HTR4: variants seen among roughly 807,000 people sequenced by gnomAD.
HTR4 encodes the protein 5-hydroxytryptamine receptor 4.
In HTR4, 16 loss-of-function variants were observed where a neutral mutation model predicts 36.8. That is an observed-to-expected ratio of 0.43 (90% CI 0.29 to 0.66). The LOEUF is 0.66. Ranked by LOEUF, HTR4 falls within the 30% of genes least tolerant of loss-of-function variation. HTR4 has a pLI of 0.13. For synonymous variants in HTR4, 189 were observed against 185.1 expected (o/e 1.02, Z -0.17); for missense variants, 438 against 490.9 (o/e 0.89, Z 1.02).
chr5:148,650,758 G>T (rs1002292881), intron 1 of HTR4, among the ~76,000 whole-genome samples: 3 of 152,186 alleles, frequency 2.0e-5, no homozygotes, highest in African/African-American at 4.8e-5. Flanking sequence ...ATATGCCTTT[G>T]AGCTATTTCT....
chr5:148,524,837 A>G (rs1451958853), intron 4 of HTR4, among the ~76,000 whole-genome samples: 1 of 152,286 alleles, frequency 6.6e-6, no homozygotes, highest in East Asian at 1.9e-4. Context: ...CTAACAAAAC[A>G]ATGGCTATAT....
At chr5:148,496,590 G>A (rs1208094319) in intron 6 of HTR4, among the ~76,000 whole-genome samples, 4 of 152,274 alleles carry the variant, frequency 2.6e-5, no homozygotes, top group Middle Eastern at 3.4e-3. Context: ...AAGGCAGAAC[G>A]AGGGTTAGTG....
chr5:148,541,839 C>A (rs1476386838), intron 4 of HTR4, among the ~76,000 whole-genome samples: 1 of 152,134 alleles, frequency 6.6e-6, no homozygotes, highest in African/African-American at 2.4e-5. Context: ...ACTCCCCAGG[C>A]CTCACCAACT....
chr5:148,534,404 A>T (rs958389390), intron 4 of HTR4, among the ~76,000 whole-genome samples: 11 of 152,188 alleles, frequency 7.2e-5, no homozygotes, highest in Non-Finnish European at 1.3e-4. Flanking sequence ...AAGTAGCCAG[A>T]CTTAAGTGGG....
intron 6 of HTR4, among the ~76,000 whole-genome samples, chr5:148,500,627 T>A (rs1756893813): frequency 6.6e-6 from 1 of 151,506 alleles, no homozygotes; most frequent in South Asian, 2.1e-4. Flanking sequence ...CAGATGAATA[T>A]ACAGAATATA....
rs1157971854 is a variant in HTR4 at position 148,654,128 on chromosome 5, C to T, written c.-114G>A. ...GAGCGGCCACCCCCAGCCGCTGAGC[C>T]GAGCTTCTGCTGCCGCCGCTGCCGC... is the stretch of plus-strand genomic sequence containing the variant. On this transcript the variant is annotated 5_prime_UTR_variant, in exon 1 of 7. Transcript: ENST00000377888. 66 of 985,554 alleles carry T rather than the reference C, an allele frequency of 6.7e-5. No individual in the cohort carries two copies. The highest frequency in any genetic ancestry group is 7.7e-5 in the Non-Finnish European group (64 of 830,068). 61.1% of individuals were successfully genotyped at this position (985,554 alleles called of 1,614,324 possible). A position where few individuals can be genotyped will look rare whatever the true frequency, so the allele number is the denominator to read the frequency against.
intron 2 of HTR4, among the ~76,000 whole-genome samples, chr5:148,552,208 C>G (rs939208063): frequency 7.9e-5 from 12 of 152,188 alleles, no homozygotes; most frequent in African/African-American, 2.9e-4. Flanking sequence ...TCCCTCCATT[C>G]AGCTGAGAAG....
chr5:148,551,037 T>C (rs1759657754), intron 2 of HTR4, among the ~76,000 whole-genome samples: 1 of 152,156 alleles, frequency 6.6e-6, no homozygotes. Flanking sequence ...GAAGCCTTTT[T>C]TTTTTTCCTC....
chr5:148,494,893 A>G (rs1466487882), intron 6 of HTR4, among the ~76,000 whole-genome samples: 1 of 152,194 alleles, frequency 6.6e-6, no homozygotes, highest in Non-Finnish European at 1.5e-5. Flanking sequence ...TGGTTACCCT[A>G]TTGGACAACA....
chr5:148,455,991 T>C (rs1322902870), intron 5 of HTR4, among the ~76,000 whole-genome samples: 1 of 151,986 alleles, frequency 6.6e-6, no homozygotes, highest in East Asian at 1.9e-4. Flanking sequence ...AGAAAATCCA[T>C]GCGTAAGTGG....
chr5:148,554,872 C>T (rs1350434842), intron 2 of HTR4, among the ~76,000 whole-genome samples: 1 of 152,056 alleles, frequency 6.6e-6, no homozygotes, highest in Non-Finnish European at 1.5e-5. Flanking sequence ...CAGTGTTCAG[C>T]CCCCACTTGT....
intron 4 of HTR4, among the ~76,000 whole-genome samples, chr5:148,530,174 G>A (rs181263133): frequency 6.6e-4 from 100 of 152,310 alleles, no homozygotes; most frequent in African/African-American, 2.4e-3. Context: ...ATTTTCTGAG[G>A]AGAAATTCAA....
At chr5:148,451,109 A>G in exon 6 of HTR4, 9 of 1,602,330 alleles carry the variant, frequency 5.6e-6, no homozygotes, top group Non-Finnish European at 7.7e-6. Flanking sequence ...GATGAGGTTC[A>G]GAAGTGATGC....
At chr5:148,558,993 A>G (rs1357979052) in intron 2 of HTR4, among the ~76,000 whole-genome samples, 1 of 152,178 alleles carries the variant, frequency 6.6e-6, no homozygotes, top group Non-Finnish European at 1.5e-5. Flanking sequence ...CCTATAGAAC[A>G]TTGTAACAGC....
chr5:148,520,973 G>T (rs201810626), intron 5 of HTR4: 163 of 1,367,610 alleles, frequency 1.2e-4, no homozygotes, highest in Non-Finnish European at 1.6e-4. Context: ...CCTTGAAAAA[G>T]AACAAGGCAG....
At chr5:148,647,986 A>G (rs1753922718) in intron 1 of HTR4, among the ~76,000 whole-genome samples, 1 of 152,224 alleles carries the variant, frequency 6.6e-6, no homozygotes, top group South Asian at 2.1e-4. Context: ...CAGCATAAAA[A>G]TAAGAATAAG....
intron 2 of HTR4, among the ~76,000 whole-genome samples, chr5:148,601,800 C>CAATA (rs1211623116): frequency 1.3e-5 from 2 of 151,956 alleles, no homozygotes; most frequent in African/African-American, 2.4e-5. Flanking sequence ...GACCCTATCT[C>CAATA]AATAAATAAA....
At chr5:148,501,692 T>C (rs1756941461) in intron 6 of HTR4, among the ~76,000 whole-genome samples, 1 of 152,184 alleles carries the variant, frequency 6.6e-6, no homozygotes, top group Non-Finnish European at 1.5e-5. Flanking sequence ...GTTTCAACTA[T>C]TCTGTATAGG....
At chr5:148,625,219 G>A (rs1753057744) in intron 2 of HTR4, among the ~76,000 whole-genome samples, 1 of 152,186 alleles carries the variant, frequency 6.6e-6, no homozygotes, top group African/African-American at 2.4e-5. Context: ...TGCCAATCAT[G>A]CAGAAAAGAG....
Sources: allele counts gnomAD v4.1 joint callset (sites outside exome capture counted in the v4.1 genomes callset), GRCh38; gene constraint gnomAD v4.1.1; transcripts MANE v1.5; gene names NCBI Gene and HGNC (gene_info 2026-07-23, HGNC 2026-07-21).